MYO1D: variants seen among roughly 807,000 people sequenced by gnomAD.
MYO1D encodes the protein unconventional myosin-Id.
MYO1D carries 83 observed loss-of-function variants against 122.0 expected under a neutral mutation model. The ratio of observed to expected loss-of-function variants is 0.68; its 90% CI spans 0.57 to 0.82. MYO1D has a LOEUF of 0.82. Among genes scored for constraint, MYO1D ranks in the 40% least tolerant of loss-of-function variants. The probability of loss-of-function intolerance (pLI) is 0.00; values close to 1 mark genes in which losing one functional copy is unlikely to be tolerated. For missense variants in MYO1D, 1,157 were observed against 1,269.5 expected (o/e 0.91, Z 1.35); for synonymous variants, 464 against 446.9 (o/e 1.04, Z -0.48).
chr17:32,795,770 T>C lies in MYO1D; in HGVS notation c.96-14986A>G, dbSNP rs550977631. On this transcript the variant is annotated intron_variant, in intron 1 of 21. Transcript: ENST00000318217. Reference sequence around the variant, plus strand: ...GGAAGAGAGTCCGCCTGAAGACAAGTACTCCTAAAGACTGAGAAAGAGGCC... The same window carrying C: ...GGAAGAGAGTCCGCCTGAAGACAAGCACTCCTAAAGACTGAGAAAGAGGCC... Among the ~76,000 whole-genome samples, 11 of 152,244 alleles carry C rather than the reference T, an allele frequency of 7.2e-5. No individual in the cohort carries two copies. In the East Asian group the frequency reaches 1.9e-3, roughly 27 times the overall value.
chr17:32,639,620 T>C (rs2088165023), intron 19 of MYO1D, among the ~76,000 whole-genome samples: 1 of 152,130 alleles, frequency 6.6e-6, no homozygotes, highest in South Asian at 2.1e-4. Context: ...CAGTGCAGCC[T>C]CAAACTCCTG....
intron 16 of MYO1D, among the ~76,000 whole-genome samples, chr17:32,707,507 A>T: frequency 6.6e-6 from 1 of 152,182 alleles, no homozygotes; most frequent in Non-Finnish European, 1.5e-5. Flanking sequence ...TGAAGGCACC[A>T]GTATGGAAGG....
intron 11 of MYO1D, among the ~76,000 whole-genome samples, chr17:32,750,340 G>A (rs148316017): frequency 7.2e-5 from 11 of 152,276 alleles, no homozygotes; most frequent in African/African-American, 1.4e-4. Context: ...GAGGCCAGGC[G>A]TGGTGGCTCA....
chr17:32,687,862 T>C (rs943338696), intron 16 of MYO1D, among the ~76,000 whole-genome samples: 18 of 152,204 alleles, frequency 1.2e-4, no homozygotes, highest in Non-Finnish European at 4.4e-5. Context: ...CTAAGACTAC[T>C]GGGTACAGGG....
At position 32,876,790 on chromosome 17, in the gene MYO1D, T is replaced by C. The variant is rs1337342318; in HGVS notation, c.83A>G (p.Asn28Ser). ...GCTCCGCCCTCACCTGAGCCTGAGGTTGGCCATGAACTCGGGCATGGAGAC... is the reference window on the plus strand; with the variant it reads ...GCTCCGCCCTCACCTGAGCCTGAGGCTGGCCATGAACTCGGGCATGGAGAC... Reference protein sequence around the residue: ...DTVSMPEFMANLRLRFEKGRI... With the variant: ...DTVSMPEFMASLRLRFEKGRI... The change falls in exon 1 of 22, where the codon AAC becomes AGC. Residue 28 changes from asparagine to serine, a missense_variant. Physicochemically the swap from Asn to Ser is conservative, Grantham distance 46. Coordinates refer to ENST00000318217, the MANE Select transcript of MYO1D (RefSeq NM_015194.3). The C allele has an allele frequency of 1.3e-6, 2 of 1,514,642 alleles. No individual in the cohort carries two copies. Among genetic ancestry groups the C allele is most frequent in the Non-Finnish European group, 1.8e-6 (2 of 1,131,478 alleles). 93.8% of individuals were successfully genotyped at this position (1,514,642 alleles called of 1,614,324 possible).
intron 1 of MYO1D, among the ~76,000 whole-genome samples, chr17:32,824,793 G>A (rs958168328): frequency 6.6e-6 from 1 of 152,104 alleles, no homozygotes; most frequent in African/African-American, 2.4e-5. Context: ...TAATTTGAAT[G>A]TATGTATGGG....
chr17:32,663,974 G>A (rs1234174173), intron 16 of MYO1D, among the ~76,000 whole-genome samples: 3 of 151,984 alleles, frequency 2.0e-5, no homozygotes, highest in Non-Finnish European at 2.9e-5. Context: ...TCTTGGTTTC[G>A]GGGTTGATGG....
At chr17:32,805,261 A>C (rs1181442035) in intron 1 of MYO1D, among the ~76,000 whole-genome samples, 2 of 152,222 alleles carry the variant, frequency 1.3e-5, no homozygotes, top group Non-Finnish European at 2.9e-5. Context: ...GTTGCTTATA[A>C]GTTGCTGAGT....
At chr17:32,661,541 G>A (rs2088565173) in intron 16 of MYO1D, among the ~76,000 whole-genome samples, 1 of 152,044 alleles carries the variant, frequency 6.6e-6, no homozygotes, top group South Asian at 2.1e-4. Flanking sequence ...TGTAGTCCCA[G>A]CTTCTCAGGA....
chr17:32,643,091 C>T (rs142390934), intron 19 of MYO1D, among the ~76,000 whole-genome samples: 302 of 152,242 alleles, frequency 2.0e-3, no homozygotes, highest in African/African-American at 6.8e-3. Flanking sequence ...TTTTGAGATA[C>T]GTCCCATCAA....
chr17:32,546,231 A>G (rs113344184), intron 21 of MYO1D, among the ~76,000 whole-genome samples: 36 of 152,328 alleles, frequency 2.4e-4, no homozygotes, highest in Non-Finnish European at 4.4e-4. Context: ...GCTGAACAGT[A>G]GCTCATCCAC....
chr17:32,581,344 C>CT (rs1334489346), intron 21 of MYO1D, among the ~76,000 whole-genome samples: 1 of 152,118 alleles, frequency 6.6e-6, no homozygotes, highest in African/African-American at 2.4e-5. Context: ...ATCAGTCCTA[C>CT]TAGATGTGTA....
intron 16 of MYO1D, among the ~76,000 whole-genome samples, chr17:32,679,949 G>C (rs1432312173): frequency 1.4e-5 from 2 of 148,024 alleles, no homozygotes; most frequent in Non-Finnish European, 3.0e-5. Context: ...GCAGTGGTTT[G>C]TAGTTCTCCT....
chr17:32,583,548 C>G (rs2087360878), intron 21 of MYO1D, among the ~76,000 whole-genome samples: 1 of 152,146 alleles, frequency 6.6e-6, no homozygotes, highest in African/African-American at 2.4e-5. Flanking sequence ...TCCCTGATGA[C>G]TTATTCATTT....
chr17:32,753,785 C>T (rs560954036), intron 11 of MYO1D, among the ~76,000 whole-genome samples: 76 of 151,980 alleles, frequency 5.0e-4, no homozygotes, highest in Admixed American at 2.2e-3. Flanking sequence ...GTAATCCCAG[C>T]TACTTGGGAG....
intron 16 of MYO1D, among the ~76,000 whole-genome samples, chr17:32,699,170 G>C (rs1189909758): frequency 6.6e-6 from 1 of 151,902 alleles, no homozygotes; most frequent in Admixed American, 6.6e-5. Flanking sequence ...TCACCATGTT[G>C]GCCAGGCTGG....
chr17:32,864,548 GA>G (rs200717040), intron 1 of MYO1D, among the ~76,000 whole-genome samples: 276 of 72,984 alleles, frequency 3.8e-3, no homozygotes, highest in Admixed American at 8.1e-3. Context: ...TTCTACGAAT[GA>G]AAAAAAAAAA....
At chr17:32,500,449 GC>G (rs1334698333) in intron 21 of MYO1D, among the ~76,000 whole-genome samples, 1 of 152,174 alleles carries the variant, frequency 6.6e-6, no homozygotes, top group African/African-American at 2.4e-5. Context: ...ACTCTGTTTT[GC>G]CGCCTTAAGT....
At chr17:32,618,177 G>C (rs2087801744) in intron 20 of MYO1D, among the ~76,000 whole-genome samples, 1 of 152,196 alleles carries the variant, frequency 6.6e-6, no homozygotes, top group Non-Finnish European at 1.5e-5. Context: ...GCTTTGAGCA[G>C]TAATGAAAAA....
Sources: gnomAD v4.1 joint callset for allele counts (sites outside exome capture counted in the v4.1 genomes callset) on GRCh38, gnomAD v4.1.1 for gene constraint, MANE v1.5 for transcripts, NCBI Gene and HGNC (gene_info 2026-07-23, HGNC 2026-07-21) for gene names.